RSU1: variants seen among roughly 807,000 people sequenced by gnomAD.
RSU1 encodes the protein Ras suppressor protein 1, also known as rsu-1.
Under a neutral mutation model 31.1 loss-of-function variants are expected in RSU1, and 26 were observed. The ratio of observed to expected loss-of-function variants is 0.84; its 90% CI spans 0.61 to 1.16. The LOEUF is 1.16. RSU1 is among the 50% of genes most tolerant of loss of function. RSU1 has a pLI of 0.00. For missense variants in RSU1, 320 were observed against 339.1 expected (o/e 0.94, Z 0.44); for synonymous variants, 164 against 136.3 (o/e 1.20, Z -1.41).
At chr10:16,731,563 G>A (rs1836512596) in intron 7 of RSU1, among the ~76,000 whole-genome samples, 1 of 152,128 alleles carries the variant, frequency 6.6e-6, no homozygotes, top group Admixed American at 6.5e-5. Flanking sequence ...ACGGTGCCTG[G>A]CATATACTCC....
At chr10:16,612,066 G>C (rs1833899096) in intron 8 of RSU1, among the ~76,000 whole-genome samples, 1 of 152,108 alleles carries the variant, frequency 6.6e-6, no homozygotes, top group African/African-American at 2.4e-5. Context: ...CAGAAATACA[G>C]AGTGCTCAGC....
At chr10:16,630,168 A>G (rs749903997) in intron 8 of RSU1, among the ~76,000 whole-genome samples, 1 of 152,130 alleles carries the variant, frequency 6.6e-6, no homozygotes, top group Non-Finnish European at 1.5e-5. Context: ...GGCCTCTCAA[A>G]GTGCTGGGAT....
In RSU1 at chr10:16,755,002, GA is replaced by G; in HGVS notation, c.282-14del. On this transcript the variant is annotated splice_polypyrimidine_tract_variant and intron_variant, in intron 4 of 8. Coordinates refer to ENST00000345264, the MANE Select transcript of RSU1 (RefSeq NM_012425.4). The stretch of plus-strand genomic sequence containing the variant: ...CAGCCTGTTCATGCTGTTGCAGGGG[GA>G]CAAAAATCTATGTCATGACACCAAA... 1 of 1,542,108 alleles carries G rather than the reference GA, an allele frequency of 6.5e-7. No individual in the cohort carries two copies. The highest frequency in any genetic ancestry group is 8.9e-7 in the Non-Finnish European group (1 of 1,120,712).
At chr10:16,761,305 A>G (rs956696364) in intron 4 of RSU1, among the ~76,000 whole-genome samples, 4 of 152,170 alleles carry the variant, frequency 2.6e-5, no homozygotes, top group Non-Finnish European at 4.4e-5. Flanking sequence ...TCATTATTAT[A>G]AACATTTATT....
At chr10:16,793,637 TAAG>T (rs1837971746) in intron 2 of RSU1, among the ~76,000 whole-genome samples, 1 of 152,116 alleles carries the variant, frequency 6.6e-6, no homozygotes, top group Non-Finnish European at 1.5e-5. Flanking sequence ...GTAAGCCACC[TAAG>T]ATATGCAGTC....
rs548425915 is a variant in RSU1, at chr10:16,685,695, T to G, written c.731+9328A>C. Among the ~76,000 whole-genome samples the G allele has an allele frequency of 1.1e-3, 174 of 152,156 alleles. No homozygotes were observed. In the South Asian group the frequency reaches 0.031, roughly 27 times the overall value. On this transcript the variant is annotated intron_variant, in intron 8 of 8. Coordinates refer to ENST00000345264, the MANE Select transcript of RSU1 (RefSeq NM_012425.4). ...GCAACCTGTTTTATCAGCAAGGTCT[T>G]TATGACCCGTATTTTGTGCTGACTT...
chr10:16,745,616 G>C (rs1836836413), intron 7 of RSU1, among the ~76,000 whole-genome samples: 1 of 148,916 alleles, frequency 6.7e-6, no homozygotes. Context: ...AGTATCACAA[G>C]AACGGCACAG....
chr10:16,789,273 G>A (rs569312366), intron 2 of RSU1, among the ~76,000 whole-genome samples: 6 of 152,314 alleles, frequency 3.9e-5, no homozygotes, highest in African/African-American at 1.2e-4. Flanking sequence ...CACACCACTA[G>A]AATGTATTTT....
intron 2 of RSU1, among the ~76,000 whole-genome samples, chr10:16,803,524 G>A (rs1230487371): frequency 2.0e-5 from 3 of 152,266 alleles, no homozygotes; most frequent in Admixed American, 6.5e-5. Flanking sequence ...AGGCAGAACA[G>A]CCAATGCAAT....
intron 2 of RSU1, among the ~76,000 whole-genome samples, chr10:16,786,511 G>A (rs1248878980): frequency 6.6e-6 from 1 of 151,896 alleles, no homozygotes; most frequent in Non-Finnish European, 1.5e-5. Flanking sequence ...ATATTTATAA[G>A]CCAAAATTCA....
intron 8 of RSU1, among the ~76,000 whole-genome samples, chr10:16,686,787 T>A (rs1198696702): frequency 1.3e-5 from 2 of 152,192 alleles, no homozygotes; most frequent in East Asian, 3.8e-4. Flanking sequence ...TTTAAAGTCC[T>A]ACGGAAAAGC....
At chr10:16,785,093 G>C (rs1219915219) in intron 2 of RSU1, among the ~76,000 whole-genome samples, 1 of 152,266 alleles carries the variant, frequency 6.6e-6, no homozygotes, top group Non-Finnish European at 1.5e-5. Context: ...TGCCAAAGGA[G>C]ATTAACATTT....
At chr10:16,717,231 T>TA (rs1407432260) in intron 7 of RSU1, among the ~76,000 whole-genome samples, 1 of 152,192 alleles carries the variant, frequency 6.6e-6, no homozygotes, top group African/African-American at 2.4e-5. Flanking sequence ...TGCTATGTGT[T>TA]ACATTCTCTA....
At chr10:16,674,869 C>G (rs893555955) in intron 8 of RSU1, among the ~76,000 whole-genome samples, 1 of 152,098 alleles carries the variant, frequency 6.6e-6, no homozygotes, top group South Asian at 2.1e-4. Flanking sequence ...TCCATCTCTA[C>G]TAAAAATACA....
At chr10:16,607,302 C>A (rs1248818574) in intron 8 of RSU1, among the ~76,000 whole-genome samples, 1 of 152,138 alleles carries the variant, frequency 6.6e-6, no homozygotes, top group East Asian at 1.9e-4. Context: ...GAACCATGAG[C>A]CAGTTAAACC....
Position 16,645,694 on chromosome 10 carries a change from C to G in RSU1, c.731+49329G>C, listed in dbSNP as rs537859479. ...GTGTGGCGCACACCTGTAATCCCAA[C>G]TACTTGGGAGGCTGAGGCAGGAGAA... On this transcript the variant is annotated intron_variant, in intron 8 of 8. Transcript: ENST00000345264. 6.1e-4 allele frequency among the ~76,000 whole-genome samples: 92 copies of G among 151,248 alleles called. 1 individual carries two copies. Among genetic ancestry groups the G allele is most frequent in the Admixed American group, 9.9e-4 (15 of 15,172 alleles).
At chr10:16,710,345 G>C (rs1367372825) in intron 7 of RSU1, among the ~76,000 whole-genome samples, 1 of 152,168 alleles carries the variant, frequency 6.6e-6, no homozygotes, top group East Asian at 1.9e-4. Context: ...TGCAACACTG[G>C]TATGAGTAAT....
At chr10:16,622,839 C>T (rs1429976756) in intron 8 of RSU1, among the ~76,000 whole-genome samples, 2 of 152,200 alleles carry the variant, frequency 1.3e-5, no homozygotes, top group Non-Finnish European at 2.9e-5. Context: ...GGCCTCAGGG[C>T]CCCTGAACAG....
chr10:16,645,172 T>G (rs1346557824), intron 8 of RSU1, among the ~76,000 whole-genome samples: 3 of 152,200 alleles, frequency 2.0e-5, no homozygotes, highest in East Asian at 3.9e-4. Flanking sequence ...AGTTGCAAAT[T>G]TCGTAAACAT....
Sources: allele counts gnomAD v4.1 joint callset (sites outside exome capture counted in the v4.1 genomes callset), GRCh38; gene constraint gnomAD v4.1.1; transcripts MANE v1.5; gene names NCBI Gene and HGNC (gene_info 2026-07-23, HGNC 2026-07-21).